The following PPFIA1 variants were observed in gnomAD, a reference collection of about 807,000 sequenced individuals.
The protein encoded by PPFIA1 is liprin-alpha-1.
Under a neutral mutation model 149.9 loss-of-function variants are expected in PPFIA1, and 25 were observed. The ratio of observed to expected loss-of-function variants is 0.17; its 90% CI spans 0.12 to 0.23. The LOEUF (loss-of-function observed/expected upper bound fraction) is 0.23, where lower values mean the gene tolerates loss of function less well. Among genes scored for constraint, PPFIA1 ranks in the 10% least tolerant of loss-of-function variants. PPFIA1 has a pLI of 1.00. For synonymous variants in PPFIA1, 549 were observed against 552.8 expected (o/e 0.99, Z 0.10); for missense variants, 1,362 against 1,506.5 (o/e 0.90, Z 1.59).
intron 2 of PPFIA1, among the ~76,000 whole-genome samples, chr11:70,281,023 T>C (rs887335922): frequency 6.6e-6 from 1 of 152,214 alleles, no homozygotes. Context: ...CTATTCTAGT[T>C]CTCTAGTGAA....
chr11:70,312,159 G>A (rs1161992278), intron 2 of PPFIA1, among the ~76,000 whole-genome samples: 1 of 151,738 alleles, frequency 6.6e-6, no homozygotes, highest in East Asian at 1.9e-4. Flanking sequence ...TTAGCATTTT[G>A]TTGTCTTTTT....
At chr11:70,345,915 A>C (rs1013874443) in intron 15 of PPFIA1, 2 of 409,714 alleles carry the variant, frequency 4.9e-6, no homozygotes, top group African/African-American at 4.1e-5. Flanking sequence ...GTGGCCTGGT[A>C]CAGAACACTG....
At chr11:70,317,154 AAC>A (rs1319976815) in intron 2 of PPFIA1, among the ~76,000 whole-genome samples, 1 of 152,180 alleles carries the variant, frequency 6.6e-6, no homozygotes, top group African/African-American at 2.4e-5. Context: ...TTTTAAACTT[AAC>A]ATTTTTTTTT....
At chr11:70,326,397 A>T (rs371058178) in intron 6 of PPFIA1, 34 bp downstream of exon 6, 88 of 1,520,360 alleles carry the variant, frequency 5.8e-5, no homozygotes, top group African/African-American at 8.4e-5. Flanking sequence ...ATTCTGTTTG[A>T]TTTCATTTGT....
rs776130811 is a variant in PPFIA1 at position 70,343,718 on chromosome 11, T to C, written c.1757T>C (p.Val586Ala). Residue 586 changes from valine to alanine, a missense_variant, in exon 15 of 28, where the codon GTC becomes GCC. By Grantham distance (64) the Val-to-Ala change is moderately conservative. Coordinates refer to ENST00000253925, the MANE Select transcript of PPFIA1 (RefSeq NM_003626.5). The stretch of plus-strand genomic sequence containing the variant: ...TGGGAACGTGCCCAGCAAGCTAGTG[T>C]CTTGGCAAATGTAGCACAAGCATTC... ...QDWERAQQAS[V>A]LANVAQAFES... 6.2e-7 allele frequency: 1 copy of C among 1,614,248 alleles called. No homozygotes were observed. Among genetic ancestry groups the C allele is most frequent in the Non-Finnish European group, 8.5e-7 (1 of 1,180,052 alleles).
chr11:70,354,918 C>T (rs975846177), intron 17 of PPFIA1, among the ~76,000 whole-genome samples: 2 of 152,048 alleles, frequency 1.3e-5, no homozygotes, highest in Non-Finnish European at 2.9e-5. Context: ...TGTTTTGTTA[C>T]TAGTATGCTA....
At position 70,339,271 on chromosome 11, in the gene PPFIA1, G is replaced by C. The variant is rs147640495; in HGVS notation, c.1672G>C (p.Gly558Arg). 503 of 1,614,084 alleles carry C rather than the reference G, an allele frequency of 3.1e-4. 1 individual carries two copies. The highest frequency in any genetic ancestry group is 4.1e-4 in the Non-Finnish European group (480 of 1,179,932). ...TSAVLRRPQK[G>R]RLAALRDEPS... is the part of the protein sequence containing the mutation. ...TGCAGTGCTGCGGCGCCCACAGAAA[G>C]GCCGGCTGGCAGCCCTGCGAGATGA... The change falls in exon 14 of 28, where the codon GGC becomes CGC. Residue 558 changes from glycine to arginine, a missense_variant. By Grantham distance (125) the Gly-to-Arg change is moderately radical. This residue lies in a region of PPFIA1 where 733 missense variants were observed against 744.1 expected (regional missense o/e 0.99). Coordinates refer to ENST00000253925, the MANE Select transcript of PPFIA1 (RefSeq NM_003626.5).
chr11:70,320,185 A>C, intron 2 of PPFIA1: 1 of 152,272 alleles, frequency 6.6e-6, no homozygotes, highest in African/African-American at 2.4e-5. Flanking sequence ...CCCTCCAAAC[A>C]CAACAGTGAA....
At chr11:70,328,962 C>T (rs1282826469) in intron 7 of PPFIA1, among the ~76,000 whole-genome samples, 1 of 152,190 alleles carries the variant, frequency 6.6e-6, no homozygotes, top group Non-Finnish European at 1.5e-5. Flanking sequence ...AAGTTCTGGT[C>T]CTAGCCTTAA....
chr11:70,281,294 C>T (rs1294257436), intron 2 of PPFIA1, among the ~76,000 whole-genome samples: 1 of 152,202 alleles, frequency 6.6e-6, no homozygotes, highest in Admixed American at 6.5e-5. Context: ...ATCATCTCAG[C>T]TCAGTCAGGG....
At chr11:70,296,713 GGGGAGAGGGAGAGGA>G (rs1335749120) in intron 2 of PPFIA1, among the ~76,000 whole-genome samples, 9 of 142,430 alleles carry the variant, frequency 6.3e-5, no homozygotes, top group African/African-American at 2.1e-4. Context: ...GGGAGACCAT[GGGGAGAGGGAGAGGA>G]GGGAGAGGGA....
chr11:70,325,051 G>A (rs1342508582), intron 4 of PPFIA1, 40 bp downstream of exon 4: 2 of 1,553,762 alleles, frequency 1.3e-6, no homozygotes, highest in African/African-American at 1.4e-5. Context: ...TGCACATGCT[G>A]TGTATTAGGC....
intron 2 of PPFIA1, among the ~76,000 whole-genome samples, chr11:70,294,981 G>C (rs1008437995): frequency 6.6e-6 from 1 of 152,112 alleles, no homozygotes; most frequent in Non-Finnish European, 1.5e-5. Flanking sequence ...GCAACCATCC[G>C]ATTTCTCAAT....
intron 10 of PPFIA1, among the ~76,000 whole-genome samples, chr11:70,333,875 GC>G (rs888685468): frequency 7.9e-5 from 12 of 152,242 alleles, no homozygotes; most frequent in East Asian, 3.9e-4. Flanking sequence ...TACCGGCGTG[GC>G]CCCCCTACCC....
chr11:70,324,413 A>C lies in PPFIA1; in HGVS notation c.276A>C (p.Ala92=). Residue 92 remains alanine (A), a synonymous_variant, in exon 3 of 28, where the codon GCA becomes GCC. Coordinates refer to ENST00000253925, the MANE Select transcript of PPFIA1 (RefSeq NM_003626.5). ...LNTALPQEFA[A]LTKELNVCRE... is the part of the protein sequence containing the mutation. ...TTGTGATTTTCTAGGAGTTCGCAGC[A>C]CTTACTAAAGAACTCAATGTATGCA... 6.2e-7 allele frequency: 1 copy of C among 1,607,798 alleles called. No individual in the cohort carries two copies. The highest frequency in any genetic ancestry group is 8.5e-7 in the Non-Finnish European group (1 of 1,176,940).
Position 70,362,508 on chromosome 11 carries a change from C to T in PPFIA1, c.2865+20C>T. On this transcript the variant is annotated intron_variant, in intron 21 of 27. Transcript: ENST00000253925. ...AGAACGGTACGTTCAGAGACAACCCCTGCATTCTTTGGAAACAGGGAATGC... is the reference window on the plus strand; with the variant it reads ...AGAACGGTACGTTCAGAGACAACCCTTGCATTCTTTGGAAACAGGGAATGC... 1 of 1,555,872 alleles carries T rather than the reference C, an allele frequency of 6.4e-7. No individual in the cohort carries two copies. The highest frequency in any genetic ancestry group is 8.7e-7 in the Non-Finnish European group (1 of 1,149,226).
rs749104015 is a variant in PPFIA1, at chr11:70,355,845, A to C, written c.2488+34A>C. On this transcript the variant is annotated intron_variant, in intron 18 of 27. Transcript: ENST00000253925. ...GTTTTCCGCACCCTTCTCAGCACCC[A>C]GGGGTCGGGGAGGAAGGCACTGCCT... 5 of 1,582,920 alleles carry C rather than the reference A, an allele frequency of 3.2e-6. No homozygotes were observed. The Admixed American group carries it at 9.1e-5, about 29-fold the overall frequency.
chr11:70,342,348 G>A (rs1591281959), intron 14 of PPFIA1, among the ~76,000 whole-genome samples: 1 of 152,288 alleles, frequency 6.6e-6, no homozygotes, highest in African/African-American at 2.4e-5. Context: ...GTCGCCAGTT[G>A]GGAGTGAGAA....
chr11:70,350,607 T>C (rs926810197), intron 16 of PPFIA1, among the ~76,000 whole-genome samples: 2 of 152,198 alleles, frequency 1.3e-5, no homozygotes, highest in African/African-American at 4.8e-5. Flanking sequence ...GTTTTATAAT[T>C]GGTATTGCAG....
Sources: gnomAD v4.1 joint callset for allele counts (sites outside exome capture counted in the v4.1 genomes callset) on GRCh38, gnomAD v4.1.1 for gene constraint, gnomAD v4.1.1 regional missense constraint, MANE v1.5 for transcripts, NCBI Gene and HGNC (gene_info 2026-07-23, HGNC 2026-07-21) for gene names.